SYNPO: variants seen among roughly 807,000 people sequenced by gnomAD.
SYNPO encodes synaptopodin.
SYNPO carries 19 observed loss-of-function variants against 49.5 expected under a neutral mutation model. The observed-to-expected ratio is 0.38, with a 90% confidence interval of 0.27 to 0.56. The LOEUF is 0.56. Among genes scored for constraint, SYNPO ranks in the 20% least tolerant of loss-of-function variants. The probability of loss-of-function intolerance (pLI) is 0.68; values close to 1 mark genes in which losing one functional copy is unlikely to be tolerated. For synonymous variants in SYNPO, 536 were observed against 548.0 expected (o/e 0.98, Z 0.31); for missense variants, 1,131 against 1,248.3 (o/e 0.91, Z 1.42).
the SYNPO span, among the ~76,000 whole-genome samples, chr5:150,593,800 T>C: frequency 1.3e-5 from 2 of 152,238 alleles, no homozygotes; most frequent in Non-Finnish European, 2.9e-5. Flanking sequence ...GTGTCTGTTC[T>C]GGTTGGCCAG....
chr5:150,645,832 T>C (rs976385126), intron 1 of SYNPO, among the ~76,000 whole-genome samples: 6 of 150,646 alleles, frequency 4.0e-5, no homozygotes, highest in African/African-American at 1.5e-4. Context: ...CTTGTGCAGA[T>C]AAAATAAAAG....
At position 150,649,144 on chromosome 5, in the gene SYNPO, C is replaced by T. The variant is rs376160462; in HGVS notation, c.869C>T (p.Ser290Phe). 1.9e-6 allele frequency: 3 copies of T among 1,614,004 alleles called. No homozygotes were observed. Among genetic ancestry groups the T allele is most frequent in the Non-Finnish European group, 2.5e-6 (3 of 1,180,010 alleles). The change falls in exon 2 of 3, where the codon TCC becomes TTC. Residue 290 changes from serine to phenylalanine, a missense_variant. This residue lies in a region of SYNPO where 602 missense variants were observed against 720.7 expected (regional missense o/e 0.84). Transcript: ENST00000307662. Reference sequence around the variant, plus strand: ...CCCCGGCCACAGAGACACATAATGTCCCGCAGCCCCATGGTGGAAAGGAGG... The same window carrying T: ...CCCCGGCCACAGAGACACATAATGTTCCGCAGCCCCATGGTGGAAAGGAGG... ...RSPRPQRHIM[S>F]RSPMVERRMM...
rs562715669 is a variant in SYNPO, at chr5:150,650,202, G to A, written c.1927G>A (p.Gly643Ser). The A allele has an allele frequency of 1.3e-4, 202 of 1,613,936 alleles. 1 individual carries two copies. Among genetic ancestry groups the A allele is most frequent in the South Asian group, 1.2e-3 (113 of 91,080 alleles). ...CACTGCCGTGAGCCCTCCTTACGGC[G>A]GTGACATCTCCCCCGTGTCTCCCTC... Reference protein sequence around the residue: ...QPTAVSPPYGGDISPVSPSRA... With the variant: ...QPTAVSPPYGSDISPVSPSRA... The change falls in exon 2 of 3, where the codon GGT becomes AGT. Residue 643 changes from glycine (G) to serine (S), a missense_variant. Transcript: ENST00000307662.
At chr5:150,634,503 T>C (rs903811349) in intron 2 of SYNPO, among the ~76,000 whole-genome samples, 2 of 152,104 alleles carry the variant, frequency 1.3e-5, no homozygotes, top group African/African-American at 4.8e-5. Flanking sequence ...GCTTATCCCA[T>C]TTAATGGCAA....
intron 1 of SYNPO, among the ~76,000 whole-genome samples, chr5:150,642,033 C>T (rs114936918): frequency 3.9e-5 from 6 of 152,216 alleles, no homozygotes; most frequent in Non-Finnish European, 1.5e-5. Flanking sequence ...TTGTGTGACC[C>T]TGGGCAGGTC....
intron 2 of SYNPO, among the ~76,000 whole-genome samples, chr5:150,628,493 A>G (rs1050582939): frequency 3.9e-5 from 6 of 152,156 alleles, no homozygotes; most frequent in Admixed American, 1.3e-4. Context: ...TTGTTTCCTC[A>G]TCTATAAAAT....
chr5:150,627,894 G>A (rs953721753), intron 2 of SYNPO, among the ~76,000 whole-genome samples: 1 of 152,122 alleles, frequency 6.6e-6, no homozygotes, highest in Non-Finnish European at 1.5e-5. Context: ...GGGGGTGTTG[G>A]TTGCATCCCC....
rs1757064712 is a variant in SYNPO, at chr5:150,618,992, C to T, written c.400+225C>T. The stretch of plus-strand genomic sequence containing the variant: ...CCACTCCTTTCTCTGCCAAAGAGGG[C>T]ACGTGAGAAGGCAGTGAGAGAAAGC... On this transcript the variant is annotated intron_variant, in intron 2 of 2. Coordinates refer to the SYNPO transcript ENST00000394243. 3.3e-5 allele frequency among the ~76,000 whole-genome samples: 5 copies of T among 151,764 alleles called. No homozygotes were observed. In the South Asian group the frequency reaches 1.0e-3, roughly 31 times the overall value.
chr5:150,608,183 C>A (rs1234938205), intron 1 of SYNPO, among the ~76,000 whole-genome samples: 1 of 152,226 alleles, frequency 6.6e-6, no homozygotes, highest in Non-Finnish European at 1.5e-5. Context: ...GACTGAGGCC[C>A]CAAGCCCTTG....
At chr5:150,611,483 G>A (rs903118157) in intron 1 of SYNPO, among the ~76,000 whole-genome samples, 4 of 152,236 alleles carry the variant, frequency 2.6e-5, no homozygotes, top group Non-Finnish European at 1.5e-5. Flanking sequence ...TGCCCAGCTG[G>A]AAGTTCTTCC....
At chr5:150,586,272 A>C in the SYNPO span, among the ~76,000 whole-genome samples, 7 of 152,196 alleles carry the variant, frequency 4.6e-5, no homozygotes, top group East Asian at 1.3e-3. Flanking sequence ...TTAAACCACA[A>C]ATCACAGAGG....
intron 1 of SYNPO, among the ~76,000 whole-genome samples, chr5:150,605,665 C>T (rs1340878889): frequency 6.6e-6 from 1 of 152,054 alleles, no homozygotes; most frequent in Non-Finnish European, 1.5e-5. Flanking sequence ...GCTGCAAGCT[C>T]ACTGGGGTTG....
chr5:150,656,155 A>AT (rs2151434136), intron 2 of SYNPO, among the ~76,000 whole-genome samples: 1 of 152,344 alleles, frequency 6.6e-6, no homozygotes, highest in South Asian at 2.1e-4. Context: ...AAGCTCAGTT[A>AT]GTAAGTTAAG....
the SYNPO span, among the ~76,000 whole-genome samples, chr5:150,592,581 G>A: frequency 2.0e-5 from 3 of 152,204 alleles, no homozygotes; most frequent in Admixed American, 1.3e-4. Context: ...AAATTCTGAC[G>A]GCTCCATGCA....
upstream of SYNPO, among the ~76,000 whole-genome samples, chr5:150,598,206 T>G (rs1472983827): frequency 6.6e-6 from 1 of 151,980 alleles, no homozygotes; most frequent in Non-Finnish European, 1.5e-5. Context: ...AGGACCTCTC[T>G]GGCATCCAGC....
At chr5:150,637,558 G>A (rs572467811), upstream of SYNPO, among the ~76,000 whole-genome samples, 1 of 152,332 alleles carries the variant, frequency 6.6e-6, no homozygotes, top group African/African-American at 2.4e-5. Context: ...TTTGGCAGCT[G>A]TGAGCGCGCC....
intron 1 of SYNPO, among the ~76,000 whole-genome samples, chr5:150,608,136 C>T (rs940914698): frequency 6.6e-6 from 1 of 152,224 alleles, no homozygotes; most frequent in Non-Finnish European, 1.5e-5. Context: ...TTATTTTTAT[C>T]ACTGGTTGTT....
chr5:150,619,597 G>C (rs78808104), intron 2 of SYNPO, among the ~76,000 whole-genome samples: 1,597 of 152,290 alleles, frequency 0.01, 31 homozygotes, highest in African/African-American at 0.036. Context: ...TGGAAACGCT[G>C]AAGTGGGTCC....
upstream of SYNPO, among the ~76,000 whole-genome samples, chr5:150,596,209 G>C (rs1756421974): frequency 1.3e-5 from 2 of 152,140 alleles, no homozygotes; most frequent in Admixed American, 6.5e-5. Context: ...GGGCTTGATA[G>C]AGATTCCTGG....
Sources: gnomAD v4.1 joint callset for allele counts (sites outside exome capture counted in the v4.1 genomes callset) on GRCh38, gnomAD v4.1.1 for gene constraint, gnomAD v4.1.1 regional missense constraint, MANE v1.5 for transcripts, NCBI Gene and HGNC (gene_info 2026-07-23, HGNC 2026-07-21) for gene names.